DOCK7: variants seen among roughly 807,000 people sequenced by gnomAD.
DOCK7 encodes dedicator of cytokinesis 7.
A neutral mutation model predicts 271.0 loss-of-function variants in DOCK7; 138 were observed. The observed-to-expected ratio is 0.51, with a 90% CI of 0.44 to 0.59. DOCK7 has a LOEUF of 0.59. Ranked by LOEUF, DOCK7 falls within the 20% of genes least tolerant of loss-of-function variation. DOCK7 has a pLI of 0.00. For synonymous variants in DOCK7, 823 were observed against 876.1 expected, an observed-to-expected ratio of 0.94 and a Z score of 1.07; for missense variants, 2,066 against 2,592.4, an observed-to-expected ratio of 0.80 and a Z score of 4.41.
chr1:62,522,560 TA>T (rs1330080417), intron 31 of DOCK7, among the ~76,000 whole-genome samples: 1 of 151,770 alleles, frequency 6.6e-6, no homozygotes, highest in Non-Finnish European at 1.5e-5. Context: ...GAAGGTATCT[TA>T]AAAAAAACCC....
At chr1:62,468,458 T>C (rs1645743287) in intron 48 of DOCK7, among the ~76,000 whole-genome samples, 1 of 147,618 alleles carries the variant, frequency 6.8e-6, no homozygotes, top group African/African-American at 2.5e-5. Context: ...GCCAACATAA[T>C]ACTGAATGGG....
chr1:62,469,290 C>T (rs1645763161), intron 48 of DOCK7, among the ~76,000 whole-genome samples: 3 of 152,194 alleles, frequency 2.0e-5, no homozygotes, highest in African/African-American at 7.2e-5. Context: ...AACTGATCTT[C>T]GACAAAGCAA....
intron 29 of DOCK7, 36 bp downstream of exon 29, chr1:62,535,457 A>G (rs779828964): frequency 1.3e-6 from 2 of 1,591,726 alleles, no homozygotes; most frequent in Admixed American, 1.7e-5. Flanking sequence ...TCAAAATCAA[A>G]CTCATATTCT....
intron 1 of DOCK7, 148 bp from the exon 2 acceptor site, chr1:62,663,278 ATT>A (rs1658893481): frequency 1.6e-6 from 1 of 625,868 alleles, no homozygotes; most frequent in Non-Finnish European, 2.8e-6. Context: ...TTCGTAAAAT[ATT>A]TTAGGAAATG....
intron 15 of DOCK7, among the ~76,000 whole-genome samples, chr1:62,585,069 T>C (rs1014802882): frequency 2.6e-5 from 4 of 152,188 alleles, no homozygotes; most frequent in African/African-American, 9.6e-5. Context: ...CATTCATTCC[T>C]TCAGCAGAAA....
At position 62,454,891 on chromosome 1, in the gene DOCK7, T is replaced by C. The variant is rs567234723; in HGVS notation, c.*523A>G. On this transcript the variant is annotated 3_prime_UTR_variant, in exon 50 of 50. Transcript: ENST00000635253. ...AACTTTGAAACAGTTACCAAACTCA[T>C]TAATTTGGGGCTATCTATGATTTTT... is the stretch of plus-strand genomic sequence containing the variant. The C allele has an allele frequency of 3.0e-5, 8 of 265,640 alleles. No individual in the cohort carries two copies. Among genetic ancestry groups the C allele is most frequent in the African/African-American group, 4.3e-5 (2 of 46,126 alleles). The allele number at this position is 265,640 out of a possible 1,614,324, so 16.5% of individuals were successfully genotyped here.
chr1:62,475,633 G>A (rs1645948104), intron 46 of DOCK7, 74 bp downstream of exon 46: 1 of 1,356,800 alleles, frequency 7.4e-7, no homozygotes, highest in Admixed American at 1.7e-5. Flanking sequence ...ATATCTTCTG[G>A]TACATCTGAG....
intron 2 of DOCK7, among the ~76,000 whole-genome samples, chr1:62,655,600 T>C (rs1484358497): frequency 1.3e-5 from 2 of 152,070 alleles, no homozygotes; most frequent in South Asian, 2.1e-4. Context: ...AATTTTTGTG[T>C]TTTTTTGTAG....
At chr1:62,643,482 C>A (rs1656282241) in intron 7 of DOCK7, among the ~76,000 whole-genome samples, 1 of 152,190 alleles carries the variant, frequency 6.6e-6, no homozygotes, top group Non-Finnish European at 1.5e-5. Context: ...TGTGATAAAT[C>A]AGCTGTTAGG....
At position 62,672,612 on chromosome 1, in the gene DOCK7, A is replaced by G. The variant is rs554248725; in HGVS notation, c.39-9482T>C. On this transcript the variant is annotated intron_variant, in intron 1 of 49. Transcript: ENST00000635253. ...ATTTCCAGTTTTTCCAAAGATTATC[A>G]CTAGAATGTAAGTTCTATGAGGCAG... Among the ~76,000 whole-genome samples the G allele has an allele frequency of 3.3e-5, 5 of 152,268 alleles. No homozygotes were observed. In the East Asian group the frequency reaches 9.6e-4, roughly 29 times the overall value.
At chr1:62,527,705 A>G (rs1167562482) in intron 31 of DOCK7, among the ~76,000 whole-genome samples, 3 of 139,092 alleles carry the variant, frequency 2.2e-5, no homozygotes, top group Non-Finnish European at 4.6e-5. Context: ...AGGAAGGGGA[A>G]CATCACATAC....
intron 14 of DOCK7, among the ~76,000 whole-genome samples, chr1:62,610,836 C>T (rs1651687943): frequency 6.6e-6 from 1 of 152,118 alleles, no homozygotes; most frequent in Non-Finnish European, 1.5e-5. Flanking sequence ...TGTATATGTG[C>T]CACATTTTCT....
chr1:62,622,004 C>T (rs1165205392), intron 12 of DOCK7, among the ~76,000 whole-genome samples: 1 of 152,120 alleles, frequency 6.6e-6, no homozygotes, highest in Non-Finnish European at 1.5e-5. Flanking sequence ...AGCACAATTC[C>T]CTCCCTAGGC....
Position 62,558,881 on chromosome 1 carries a change from T to C in DOCK7, c.2431+108A>G. ...ATAACATCTTCCACCCCAAATCAAA[T>C]ATAGTCCTTATATATAGCAAATAGA... On this transcript the variant is annotated intron_variant, in intron 20 of 49. Coordinates refer to ENST00000635253, the MANE Select transcript of DOCK7 (RefSeq NM_001367561.1). 3.5e-6 allele frequency: 3 copies of C among 848,114 alleles called. No individual in the cohort carries two copies. The South Asian group carries it at 5.7e-5, about 16-fold the overall frequency. 52.5% of individuals were successfully genotyped at this position (848,114 alleles called of 1,614,324 possible).
chr1:62,592,452 A>G (rs1648587195), intron 14 of DOCK7, among the ~76,000 whole-genome samples: 1 of 152,202 alleles, frequency 6.6e-6, no homozygotes, highest in African/African-American at 2.4e-5. Flanking sequence ...AACATTTATA[A>G]GATGTAATTT....
chr1:62,619,757 A>T, intron 13 of DOCK7, 143 bp downstream of exon 13: 2 of 480,274 alleles, frequency 4.2e-6, no homozygotes, highest in Non-Finnish European at 7.4e-6. Flanking sequence ...GATAGTTAAT[A>T]AAGTGAAGAA....
chr1:62,650,853 T>C (rs1270883806), intron 4 of DOCK7, among the ~76,000 whole-genome samples: 2 of 152,184 alleles, frequency 1.3e-5, no homozygotes, highest in East Asian at 1.9e-4. Flanking sequence ...GGTGGGACTG[T>C]AAACTAGTTC....
chr1:62,606,073 T>C (rs1187111665), intron 14 of DOCK7: 1 of 152,008 alleles, frequency 6.6e-6, no homozygotes, highest in Non-Finnish European at 1.5e-5. Flanking sequence ...GTCACATATA[T>C]AAAAGATATG....
In DOCK7 at chr1:62,654,040, T is replaced by C. The variant is rs1354595309; in HGVS notation, c.264A>G (p.Glu88=). 6.2e-7 allele frequency: 1 copy of C among 1,613,930 alleles called. No homozygotes were observed. Among genetic ancestry groups the C allele is most frequent in the South Asian group, 1.1e-5 (1 of 91,068 alleles). ...DLIEFPPDDI[E]VVYSPRDCRT... is the part of the protein sequence containing the mutation. ...TGCAGTCCCGAGGACTATAAACAAC[T>C]TCAATATCATCTGGAGGAAATTCAA... Residue 88 remains glutamate (E), a synonymous_variant, in exon 3 of 50, where the codon GAA becomes GAG. Coordinates refer to ENST00000635253, the MANE Select transcript of DOCK7 (RefSeq NM_001367561.1).
Sources: gnomAD v4.1 joint callset for allele counts (sites outside exome capture counted in the v4.1 genomes callset) on GRCh38, gnomAD v4.1.1 for gene constraint, MANE v1.5 for transcripts, NCBI Gene and HGNC (gene_info 2026-07-23, HGNC 2026-07-21) for gene names.